The following TANGO6 variants were observed in gnomAD, a reference collection of about 807,000 sequenced individuals.
TANGO6 encodes the protein transport and golgi organization 6 homolog, also known as transport and Golgi organization protein 6 homolog.
TANGO6 carries 90 observed loss-of-function variants against 114.2 expected under a neutral mutation model. The ratio of observed to expected loss-of-function variants is 0.79; its 90% confidence interval spans 0.66 to 0.94. TANGO6 has a LOEUF of 0.94. Among genes scored for constraint, TANGO6 ranks in the 40% least tolerant of loss-of-function variants. TANGO6 has a pLI of 0.00. For missense variants in TANGO6, 1,274 were observed against 1,315.3 expected, an observed-to-expected ratio of 0.97 and a Z score of 0.49; for synonymous variants, 477 against 509.8, an observed-to-expected ratio of 0.94 and a Z score of 0.87.
intron 14 of TANGO6, among the ~76,000 whole-genome samples, chr16:68,959,105 T>C (rs1198417137): frequency 6.6e-6 from 1 of 152,224 alleles, no homozygotes; most frequent in Non-Finnish European, 1.5e-5. Context: ...TTTCATATTT[T>C]AGGAAAGAAT....
intron 17 of TANGO6, among the ~76,000 whole-genome samples, chr16:69,068,238 A>AT (rs1442850501): frequency 1.3e-5 from 2 of 152,072 alleles, no homozygotes; most frequent in African/African-American, 4.8e-5. Context: ...TCAAGGCTGC[A>AT]TGCAGTGAGC....
At chr16:68,982,368 C>T (rs1485619467) in intron 15 of TANGO6, among the ~76,000 whole-genome samples, 4 of 152,076 alleles carry the variant, frequency 2.6e-5, no homozygotes, top group South Asian at 2.1e-4. Context: ...CAGAGTCTCA[C>T]TTTGTCGCCC....
rs564703176 is a variant in TANGO6, at chr16:68,953,046, ATT to A, written c.2702-20977_2702-20976del. Among the ~76,000 whole-genome samples the A allele has an allele frequency of 2.9e-5, 3 of 105,132 alleles. No individual in the cohort carries two copies. The Admixed American group carries it at 3.2e-4, about 11-fold the overall frequency. 69.0% of individuals were successfully genotyped at this position (105,132 alleles called of 152,430 possible). On this transcript the variant is annotated intron_variant, in intron 14 of 17. Coordinates refer to ENST00000261778, the MANE Select transcript of TANGO6 (RefSeq NM_024562.2). ...TAAAATGTTCATTCACTCAACAGGT[ATT>A]TTTTATTATTATTATTATTATTATT...
intron 15 of TANGO6, among the ~76,000 whole-genome samples, chr16:69,017,832 T>C (rs1367037418): frequency 6.6e-6 from 1 of 152,028 alleles, no homozygotes; most frequent in Non-Finnish European, 1.5e-5. Context: ...GCAAGCCCCC[T>C]TCCTAACTCC....
intron 15 of TANGO6, among the ~76,000 whole-genome samples, chr16:69,006,791 A>G (rs1480998321): frequency 6.6e-6 from 1 of 152,140 alleles, no homozygotes; most frequent in South Asian, 2.1e-4. Context: ...TTGAAATAGA[A>G]TTCATATACC....
chr16:68,927,918 T>C lies in TANGO6; in HGVS notation c.2478T>C (p.Thr826=). The C allele has an allele frequency of 1.2e-6, 2 of 1,613,846 alleles. No homozygotes were observed. Among genetic ancestry groups the C allele is most frequent in the South Asian group, 1.1e-5 (1 of 91,040 alleles). Reference sequence around the variant, plus strand: ...AAGGAGTCAATGAGCCCAGCACTACTACAAGTCAGAAATCTGGAAGCGTAA... The same window carrying C: ...AAGGAGTCAATGAGCCCAGCACTACCACAAGTCAGAAATCTGGAAGCGTAA... The part of the protein sequence containing the change: ...IPQGVNEPST[T]TSQKSGSVTT... Residue 826 remains threonine, a synonymous_variant, in exon 13 of 18, where the codon ACT becomes ACC. Coordinates refer to ENST00000261778, the MANE Select transcript of TANGO6 (RefSeq NM_024562.2).
At chr16:68,942,450 C>T (rs1462835299) in intron 14 of TANGO6, among the ~76,000 whole-genome samples, 2 of 151,614 alleles carry the variant, frequency 1.3e-5, no homozygotes, top group East Asian at 1.9e-4. Flanking sequence ...TTTTCTTTAC[C>T]GAAAAGGTAA....
intron 14 of TANGO6, among the ~76,000 whole-genome samples, chr16:68,964,647 A>G (rs1019702796): frequency 6.7e-6 from 1 of 149,784 alleles, no homozygotes; most frequent in African/African-American, 2.5e-5. Flanking sequence ...GCTCACTGCA[A>G]CCTCCGCCTC....
chr16:68,939,103 T>TAAC (rs1324786832), intron 14 of TANGO6, among the ~76,000 whole-genome samples: 6 of 109,758 alleles, frequency 5.5e-5, no homozygotes, highest in Non-Finnish European at 9.8e-5. Context: ...CAAACAACAA[T>TAAC]AACAACAACA....
intron 16 of TANGO6, chr16:69,035,145 T>C (rs1364013681): frequency 6.6e-6 from 1 of 152,210 alleles, no homozygotes; most frequent in East Asian, 1.9e-4. Context: ...CTGAATTTAC[T>C]ATCAGTTTTG....
At position 68,953,719 on chromosome 16, in the gene TANGO6, C is replaced by T. The variant is rs945935567; in HGVS notation, c.2702-20309C>T. Among the ~76,000 whole-genome samples, 13 of 152,160 alleles carry T rather than the reference C, an allele frequency of 8.5e-5. No homozygotes were observed. In the South Asian group the frequency reaches 1.9e-3, roughly 22 times the overall value. On this transcript the variant is annotated intron_variant, in intron 14 of 17. Transcript: ENST00000261778. ...GTAGACATTTAAGCAACTGACTCTA[C>T]CTGGAGGTATCTCATACTGTCTTCT...
chr16:68,981,686 G>A (rs916433810), intron 15 of TANGO6, among the ~76,000 whole-genome samples: 5 of 152,026 alleles, frequency 3.3e-5, no homozygotes, highest in African/African-American at 9.7e-5. Context: ...TTCCTTTTGC[G>A]ATTGCCTAGA....
intron 15 of TANGO6, among the ~76,000 whole-genome samples, chr16:68,974,720 C>A (rs1963745300): frequency 6.6e-6 from 1 of 151,964 alleles, no homozygotes; most frequent in Non-Finnish European, 1.5e-5. Flanking sequence ...GTGTTGGGCC[C>A]TGATTTTCAA....
Position 69,070,862 on chromosome 16 carries a change from C to A in TANGO6, c.3109-12623C>A, listed in dbSNP as rs141156922. ...GGTCTTGGCTCACTGCAACCTCTGT[C>A]TCCCAGATTCAGGCAATCCTCCTGC... is the stretch of plus-strand genomic sequence containing the variant. On this transcript the variant is annotated intron_variant, in intron 17 of 17. Transcript: ENST00000261778. Among the ~76,000 whole-genome samples the A allele has an allele frequency of 6.2e-3, 943 of 151,550 alleles. 5 individuals carry two copies. The highest frequency in any genetic ancestry group is 0.011 in the Non-Finnish European group (715 of 67,922).
intron 17 of TANGO6, among the ~76,000 whole-genome samples, chr16:69,075,399 T>C (rs1960359417): frequency 6.6e-6 from 1 of 152,128 alleles, no homozygotes; most frequent in Non-Finnish European, 1.5e-5. Context: ...CACATGCATA[T>C]GTATTTCCTT....
chr16:69,012,575 AAAAG>A (rs1964152792), intron 15 of TANGO6, among the ~76,000 whole-genome samples: 1 of 143,808 alleles, frequency 7.0e-6, no homozygotes, highest in Non-Finnish European at 1.5e-5. Context: ...AAAAAAAAAA[AAAAG>A]GAAAAAAAAA....
intron 3 of TANGO6, among the ~76,000 whole-genome samples, chr16:68,863,956 C>A (rs1962138950): frequency 6.6e-6 from 1 of 152,092 alleles, no homozygotes; most frequent in Non-Finnish European, 1.5e-5. Context: ...GGGTGGATCA[C>A]CTCAGGCCAG....
chr16:69,077,832 A>G (rs1960403407), intron 17 of TANGO6, among the ~76,000 whole-genome samples: 1 of 152,226 alleles, frequency 6.6e-6, no homozygotes, highest in African/African-American at 2.4e-5. Context: ...TCTTTCTCAA[A>G]AAAGAAAAAA....
chr16:68,860,252 T>G lies in TANGO6; in HGVS notation c.463T>G (p.Leu155Val). Residue 155 changes from leucine (L) to valine (V), a missense_variant, in exon 2 of 18, where the codon TTG becomes GTG. Leu to Val is a conservative substitution (Grantham distance 32). Transcript: ENST00000261778. Reference sequence around the variant, plus strand: ...GTTCGTTTTGCAGTTTGTAGTTACCTTGGGTATCTGCCCCTATCTCATGCC... The same window carrying G: ...GTTCGTTTTGCAGTTTGTAGTTACCGTGGGTATCTGCCCCTATCTCATGCC... ...VQFVLQFVVT[L>V]GICPYLMPGV... 6.2e-7 allele frequency: 1 copy of G among 1,614,012 alleles called. No homozygotes were observed. The highest frequency in any genetic ancestry group is 8.5e-7 in the Non-Finnish European group (1 of 1,179,886).
Sources: allele counts gnomAD v4.1 joint callset (sites outside exome capture counted in the v4.1 genomes callset), GRCh38; gene constraint gnomAD v4.1.1; transcripts MANE v1.5; gene names NCBI Gene and HGNC (gene_info 2026-07-23, HGNC 2026-07-21).